The following ZCCHC14 variants were observed in gnomAD, a reference collection of about 807,000 sequenced individuals.
The protein encoded by ZCCHC14 is zinc finger CCHC domain-containing protein 14.
ZCCHC14 carries 16 observed loss-of-function variants against 85.0 expected under a neutral mutation model. That is an observed-to-expected ratio of 0.19 (90% CI 0.13 to 0.29). The LOEUF is 0.29. Ranked by LOEUF, ZCCHC14 falls within the 10% of genes least tolerant of loss-of-function variation. The probability of loss-of-function intolerance (pLI) is 1.00; values close to 1 mark genes in which losing one functional copy is unlikely to be tolerated. For synonymous variants in ZCCHC14, 775 were observed against 630.7 expected, an observed-to-expected ratio of 1.23 and a Z score of -3.43; for missense variants, 1,303 against 1,443.5, an observed-to-expected ratio of 0.90 and a Z score of 1.58.
intron 1 of ZCCHC14, among the ~76,000 whole-genome samples, chr16:87,490,754 C>T (rs1044058447): frequency 1.3e-5 from 2 of 152,226 alleles, no homozygotes; most frequent in African/African-American, 4.8e-5. Context: ...ACAGGTAGCC[C>T]GGCTCTTAAA....
intron 1 of ZCCHC14, among the ~76,000 whole-genome samples, chr16:87,488,170 G>A (rs1401483097): frequency 6.6e-6 from 1 of 152,284 alleles, no homozygotes; most frequent in East Asian, 1.9e-4. Flanking sequence ...GAATAAGCAT[G>A]TGCACATACC....
chr16:87,433,235 A>G, intron 2 of ZCCHC14, 34 bp from the exon 3 acceptor site: 2 of 1,586,488 alleles, frequency 1.3e-6, no homozygotes, highest in South Asian at 2.2e-5. Context: ...AAAATGAAAT[A>G]AGAGCTTGAA....
At chr16:87,451,834 T>A (rs750193572) in intron 2 of ZCCHC14, among the ~76,000 whole-genome samples, 119 of 152,184 alleles carry the variant, frequency 7.8e-4, no homozygotes, top group Non-Finnish European at 3.5e-4. Flanking sequence ...GACACCACAG[T>A]GAACACGGAA....
intron 8 of ZCCHC14, among the ~76,000 whole-genome samples, chr16:87,415,904 C>A (rs1037311365): frequency 6.6e-6 from 1 of 152,020 alleles, no homozygotes; most frequent in African/African-American, 2.4e-5. Context: ...ACAAAAATCT[C>A]GCTCTTATTT....
At chr16:87,433,094 C>T (rs944237916) in intron 3 of ZCCHC14, 34 bp downstream of exon 3, 92 of 1,606,322 alleles carry the variant, frequency 5.7e-5, no homozygotes, top group Non-Finnish European at 7.3e-5. Flanking sequence ...TCCTAGCCTT[C>T]CAGGAGAGAG....
chr16:87,423,444 GTC>G (rs973770048), intron 4 of ZCCHC14, among the ~76,000 whole-genome samples: 8 of 152,168 alleles, frequency 5.3e-5, no homozygotes, highest in African/African-American at 1.7e-4. Context: ...ACTAGGTGAA[GTC>G]TCTACCCACT....
chr16:87,427,812 AC>A (rs1282702472), intron 3 of ZCCHC14, among the ~76,000 whole-genome samples: 2 of 19,328 alleles, frequency 1.0e-4, no homozygotes, highest in Non-Finnish European at 3.2e-4. Context: ...TACTTTTTGT[AC>A]TTTTTGCACT....
chr16:87,458,718 G>C (rs1020234772), intron 2 of ZCCHC14, among the ~76,000 whole-genome samples: 1 of 152,184 alleles, frequency 6.6e-6, no homozygotes. Context: ...CGGGGCGGTT[G>C]GGGGAGAGCG....
chr16:87,439,018 C>A (rs1910060299), intron 2 of ZCCHC14, among the ~76,000 whole-genome samples: 1 of 152,174 alleles, frequency 6.6e-6, no homozygotes, highest in Non-Finnish European at 1.5e-5. Flanking sequence ...GCTATTTACA[C>A]AAGCTAAGAC....
At chr16:87,414,886 G>C (rs1177301377) in intron 9 of ZCCHC14, among the ~76,000 whole-genome samples, 2 of 152,166 alleles carry the variant, frequency 1.3e-5, no homozygotes, top group Non-Finnish European at 2.9e-5. Context: ...TTTGAGATCA[G>C]CTTGGCCAAT....
chr16:87,420,517 CA>C lies in ZCCHC14; in HGVS notation c.950+89del. On this transcript the variant is annotated intron_variant, in intron 5 of 12. Coordinates refer to ENST00000671377, the MANE Select transcript of ZCCHC14 (RefSeq NM_015144.3). The surrounding 1 kb of genome is among the most constrained non-coding windows in gnomAD (Gnocchi z 5.0). ...AGGTCCAGGTGACCGCGCATCCTCC[CA>C]GAGCTCCTTGGAGGACCACAGCATT... The C allele has an allele frequency of 1.9e-6, 2 of 1,064,502 alleles. No homozygotes were observed. The highest frequency in any genetic ancestry group is 2.7e-6 in the Non-Finnish European group (2 of 737,936). 65.9% of individuals were successfully genotyped at this position (1,064,502 alleles called of 1,614,324 possible). A position where few individuals can be genotyped will look rare whatever the true frequency, so the allele number is the denominator to read the frequency against.
chr16:87,411,486 C>G, intron 12 of ZCCHC14, 30 bp downstream of exon 12: 1 of 1,610,314 alleles, frequency 6.2e-7, no homozygotes, highest in Non-Finnish European at 8.5e-7. Flanking sequence ...CTGCGGGAGC[C>G]TGGTGGGCGC....
rs1247276320 is a variant in ZCCHC14 at position 87,491,722 on chromosome 16, T to TGCCGCCGTGGCCCCC, written c.502_516dup (p.Gly168_Gly172dup). 6.4e-7 allele frequency: 1 copy of TGCCGCCGTGGCCCCC among 1,554,690 alleles called. No individual in the cohort carries two copies. The highest frequency in any genetic ancestry group is 8.6e-7 in the Non-Finnish European group (1 of 1,156,854). On this transcript the variant is annotated inframe_insertion, in exon 1 of 13. Transcript: ENST00000671377. This position sits in a 1 kb window ranked among gnomAD's most constrained non-coding sequence, Gnocchi z 5.9. ...GCGCCGCCCGGCCCGGGCGCGCCCT[T>TGCCGCCGTGGCCCCC]GCCGCCGTGGCCCCCGCCGCCGTTC... is the stretch of plus-strand genomic sequence containing the variant.
chr16:87,486,538 G>A (rs1048088099), intron 1 of ZCCHC14, among the ~76,000 whole-genome samples: 1 of 152,206 alleles, frequency 6.6e-6, no homozygotes, highest in Non-Finnish European at 1.5e-5. Context: ...AGCTGAGGAC[G>A]CTTTTCTCAG....
intron 1 of ZCCHC14, among the ~76,000 whole-genome samples, chr16:87,484,103 C>T (rs1194911591): frequency 6.6e-6 from 1 of 152,208 alleles, no homozygotes; most frequent in Non-Finnish European, 1.5e-5. Context: ...CATATGGTTT[C>T]TCTGGAAGGT....
intron 1 of ZCCHC14, among the ~76,000 whole-genome samples, chr16:87,468,232 C>T (rs541697669): frequency 7.9e-5 from 12 of 152,152 alleles, no homozygotes; most frequent in East Asian, 5.8e-4. Flanking sequence ...GACATCTGTA[C>T]GTAACCATTT....
chr16:87,491,810 C>A lies in ZCCHC14; in HGVS notation c.429G>T (p.Pro143=), dbSNP rs766145058. The change falls in exon 1 of 13, where the codon CCG becomes CCT. Residue 143 remains proline, a synonymous_variant. Transcript: ENST00000671377. This position sits in a 1 kb window ranked among gnomAD's most constrained non-coding sequence, Gnocchi z 5.9. ...CCTGCTTCTGGTGGAAGCTGAAGGC[C>A]GGGTGGTTGGAGGCCATGGTGAACA... ...LLLFTMASNH[P]AFSFHQKQVL... The A allele has an allele frequency of 3.8e-6, 6 of 1,586,404 alleles. No individual in the cohort carries two copies. The East Asian group carries it at 1.4e-4, about 38-fold the overall frequency.
chr16:87,464,741 G>C (rs141977399), intron 1 of ZCCHC14, among the ~76,000 whole-genome samples: 1 of 152,180 alleles, frequency 6.6e-6, no homozygotes, highest in African/African-American at 2.4e-5. Flanking sequence ...TCGTAACTTT[G>C]TTCCTTTGTT....
Position 87,412,521 on chromosome 16 carries a change from C to T in ZCCHC14, c.2200G>A (p.Val734Met), listed in dbSNP as rs200608342. The change falls in exon 12 of 13, where the codon GTG becomes ATG. Residue 734 changes from valine (V) to methionine (M), a missense_variant. Transcript: ENST00000671377. ...ACCCTGTCCAGCGTGGATGCATGCA[C>T]GACTTTGGTCCGGGGACCAAAGGAG... The part of the protein sequence containing the change: ...TVSFGPRTKV[V>M]HASTLDRVLK... The T allele has an allele frequency of 1.1e-5, 17 of 1,613,956 alleles. No individual in the cohort carries two copies. The highest frequency in any genetic ancestry group is 6.7e-5 in the African/African-American group (5 of 74,930).
Sources: allele counts gnomAD v4.1 joint callset (sites outside exome capture counted in the v4.1 genomes callset), GRCh38; gene constraint gnomAD v4.1.1; non-coding constraint Gnocchi (gnomAD v3.1); transcripts MANE v1.5; gene names NCBI Gene and HGNC (gene_info 2026-07-23, HGNC 2026-07-21).